Variants in INPP5A observed in about 807,000 individuals in gnomAD.
INPP5A encodes the protein 43 kDa inositol polyphosphate 5-phophatase.
A neutral mutation model predicts 65.2 loss-of-function variants in INPP5A; 14 were observed. That is an observed-to-expected ratio of 0.21 (90% CI 0.14 to 0.34). INPP5A has a LOEUF of 0.34. Ranked by LOEUF, INPP5A falls within the 10% of genes least tolerant of loss-of-function variation. The pLI is 1.00. For missense variants in INPP5A, 431 were observed against 545.6 expected (o/e 0.79, Z 2.09); for synonymous variants, 207 against 208.3 (o/e 0.99, Z 0.05).
intron 5 of INPP5A, among the ~76,000 whole-genome samples, chr10:132,692,815 A>G (rs1193183467): frequency 2.0e-5 from 3 of 152,260 alleles, no homozygotes; most frequent in Non-Finnish European, 4.4e-5. Context: ...CAACGGAAGG[A>G]AATATCATAT....
intron 7 of INPP5A, 115 bp downstream of exon 7, chr10:132,708,480 C>A: frequency 2.0e-6 from 2 of 1,001,742 alleles, no homozygotes; most frequent in Non-Finnish European, 3.2e-6. Flanking sequence ...TGCATGAGGA[C>A]CCCCAGCTGC....
chr10:132,769,588 C>T (rs1169453360), intron 12 of INPP5A, among the ~76,000 whole-genome samples: 1 of 152,220 alleles, frequency 6.6e-6, no homozygotes, highest in African/African-American at 2.4e-5. Context: ...CCCATGGTGG[C>T]AGGGATGAGT....
intron 9 of INPP5A, among the ~76,000 whole-genome samples, chr10:132,739,665 G>A (rs1197260391): frequency 1.3e-5 from 2 of 152,222 alleles, no homozygotes; most frequent in African/African-American, 4.8e-5. Context: ...TCGCACTCTC[G>A]CTTCCAAGAA....
At chr10:132,585,370 G>A (rs1389129828) in intron 1 of INPP5A, among the ~76,000 whole-genome samples, 1 of 152,234 alleles carries the variant, frequency 6.6e-6, no homozygotes, top group African/African-American at 2.4e-5. Flanking sequence ...GAGAAAGCGC[G>A]AGTGCGAGCA....
rs184792262 is a variant in INPP5A at position 132,637,563 on chromosome 10, C to T, written c.118-8305C>T. 2.6e-5 allele frequency among the ~76,000 whole-genome samples: 4 copies of T among 152,208 alleles called. No individual in the cohort carries two copies. In the East Asian group the frequency reaches 5.8e-4, roughly 22 times the overall value. On this transcript the variant is annotated intron_variant, in intron 2 of 15. Coordinates refer to ENST00000368594, the MANE Select transcript of INPP5A (RefSeq NM_005539.5). The surrounding 1 kb of genome is among the most constrained non-coding windows in gnomAD (Gnocchi z 4.1). The stretch of plus-strand genomic sequence containing the variant: ...TTTCTCTCACGCTGTTTTCTCTGTG[C>T]GATTTTGCTTTCTCAGTGGATTTTT...
Position 132,550,938 on chromosome 10 carries a change from A to G in INPP5A, c.75+12767A>G, listed in dbSNP as rs1217790537. Among the ~76,000 whole-genome samples, 1 of 152,162 alleles carries G rather than the reference A, an allele frequency of 6.6e-6. No individual in the cohort carries two copies. Among genetic ancestry groups the G allele is most frequent in the East Asian group, 1.9e-4 (1 of 5,194 alleles). On this transcript the variant is annotated intron_variant, in intron 1 of 15. Coordinates refer to ENST00000368594, the MANE Select transcript of INPP5A (RefSeq NM_005539.5). The surrounding 1 kb of genome is among the most constrained non-coding windows in gnomAD (Gnocchi z 4.2). ...GTGGCTCTCTAGGGTGGACCTGGCC[A>G]TCCTTGGGTGACAGTGGGCCATGTG...
intron 8 of INPP5A, among the ~76,000 whole-genome samples, chr10:132,710,951 C>G (rs937129910): frequency 2.0e-5 from 3 of 152,170 alleles, no homozygotes; most frequent in African/African-American, 7.2e-5. Flanking sequence ...ACACTCTGCT[C>G]TGCGCTTGCT....
At chr10:132,569,657 C>T (rs1417434514) in intron 1 of INPP5A, among the ~76,000 whole-genome samples, 1 of 151,968 alleles carries the variant, frequency 6.6e-6, no homozygotes, top group Non-Finnish European at 1.5e-5. Context: ...TCGCTGGGTC[C>T]CCACTGTTTT....
chr10:132,713,672 G>T lies in INPP5A; in HGVS notation c.647+3216G>T, dbSNP rs553558493. 2.0e-5 allele frequency among the ~76,000 whole-genome samples: 3 copies of T among 152,286 alleles called. No homozygotes were observed. In the South Asian group the frequency reaches 6.2e-4, roughly 32 times the overall value. ...TCCCGGGGAGGGTGGCAACTGCGAG[G>T]CCTGGGTGCTGCTGTGCTCGTGGCC... On this transcript the variant is annotated intron_variant, in intron 8 of 15. Transcript: ENST00000368594.
chr10:132,561,901 T>C (rs1188669899), intron 1 of INPP5A, among the ~76,000 whole-genome samples: 1 of 152,220 alleles, frequency 6.6e-6, no homozygotes, highest in Non-Finnish European at 1.5e-5. Flanking sequence ...AGCAGATGGC[T>C]TGGCCCTGTC....
chr10:132,734,438 G>A (rs576969286), intron 9 of INPP5A, among the ~76,000 whole-genome samples: 19 of 152,352 alleles, frequency 1.2e-4, no homozygotes, highest in African/African-American at 4.1e-4. Context: ...GAATTGGAGC[G>A]TGCAGCAGCT....
At chr10:132,581,115 G>A (rs1449530571) in intron 1 of INPP5A, among the ~76,000 whole-genome samples, 1 of 152,140 alleles carries the variant, frequency 6.6e-6, no homozygotes, top group Admixed American at 6.5e-5. Flanking sequence ...CACATTCACA[G>A]ATGCCCTCTC....
At chr10:132,600,724 A>G (rs1252813143) in intron 1 of INPP5A, among the ~76,000 whole-genome samples, 1 of 152,188 alleles carries the variant, frequency 6.6e-6, no homozygotes, top group Non-Finnish European at 1.5e-5. Flanking sequence ...GTTCCACATC[A>G]CTGGGGAGGC....
chr10:132,568,086 G>C (rs1286173183), intron 1 of INPP5A, among the ~76,000 whole-genome samples: 1 of 151,508 alleles, frequency 6.6e-6, no homozygotes, highest in Non-Finnish European at 1.5e-5. Context: ...AGCTACTCAG[G>C]AGGCTGAGGC....
chr10:132,567,007 G>A (rs545969544), intron 1 of INPP5A, among the ~76,000 whole-genome samples: 2 of 152,326 alleles, frequency 1.3e-5, no homozygotes, highest in Non-Finnish European at 2.9e-5. Flanking sequence ...TCTCTCAGGA[G>A]GCACAGGGTA....
At chr10:132,593,227 A>C (rs1005443535) in intron 1 of INPP5A, among the ~76,000 whole-genome samples, 3 of 152,074 alleles carry the variant, frequency 2.0e-5, no homozygotes, top group Non-Finnish European at 2.9e-5. Flanking sequence ...GCCTCAGCCT[A>C]TGCATGGGCG....
At chr10:132,624,231 A>T (rs2072147040) in intron 2 of INPP5A, among the ~76,000 whole-genome samples, 1 of 152,198 alleles carries the variant, frequency 6.6e-6, no homozygotes, top group African/African-American at 2.4e-5. Flanking sequence ...TTCACCTGTG[A>T]TCCCCGCCTC....
At chr10:132,653,046 T>C (rs1401319535) in intron 4 of INPP5A, among the ~76,000 whole-genome samples, 1 of 152,186 alleles carries the variant, frequency 6.6e-6, no homozygotes, top group Non-Finnish European at 1.5e-5. Context: ...TCTGAGGCTC[T>C]CCAGCCAGAG....
intron 5 of INPP5A, among the ~76,000 whole-genome samples, chr10:132,691,775 C>T (rs540252601): frequency 2.6e-5 from 4 of 152,070 alleles, no homozygotes; most frequent in Non-Finnish European, 4.4e-5. Context: ...ACACAGGAGG[C>T]GTGTGGACGC....
Sources: allele counts gnomAD v4.1 joint callset (sites outside exome capture counted in the v4.1 genomes callset), GRCh38; gene constraint gnomAD v4.1.1; non-coding constraint Gnocchi (gnomAD v3.1); transcripts MANE v1.5; gene names NCBI Gene and HGNC (gene_info 2026-07-23, HGNC 2026-07-21).